Variants in ITGBL1 observed in about 807,000 individuals in gnomAD.
The protein encoded by ITGBL1 is integrin subunit beta like 1.
Under a neutral mutation model 68.5 loss-of-function variants are expected in ITGBL1, and 51 were observed. That is an observed-to-expected ratio of 0.74 (90% CI 0.59 to 0.94). The LOEUF (loss-of-function observed/expected upper bound fraction) is 0.94, where lower values mean the gene tolerates loss of function less well. Ranked by LOEUF, ITGBL1 falls within the 40% of genes least tolerant of loss-of-function variation. The probability of loss-of-function intolerance (pLI) is 0.00; values close to 1 mark genes in which losing one functional copy is unlikely to be tolerated. For missense variants in ITGBL1, 649 were observed against 647.4 expected (o/e 1.00, Z -0.03); for synonymous variants, 209 against 227.3 (o/e 0.92, Z 0.72).
At chr13:101,455,701 G>T (rs78335504) in intron 2 of ITGBL1, among the ~76,000 whole-genome samples, 5,103 of 152,188 alleles carry the variant, frequency 0.034, 291 homozygotes, top group African/African-American at 0.12. Flanking sequence ...AATATTGGAT[G>T]CCACAACTTG....
chr13:101,513,104 G>T (rs766722570), intron 2 of ITGBL1, among the ~76,000 whole-genome samples: 2 of 152,054 alleles, frequency 1.3e-5, no homozygotes, highest in Admixed American at 6.6e-5. Flanking sequence ...GCCTTTGAGT[G>T]TACAGTACTA....
chr13:101,551,521 A>T (rs1245965880), intron 2 of ITGBL1, among the ~76,000 whole-genome samples: 5 of 152,316 alleles, frequency 3.3e-5, no homozygotes, highest in African/African-American at 7.2e-5. Context: ...TGGATCAGGA[A>T]GGAAGTTCAG....
intron 5 of ITGBL1, 122 bp downstream of exon 5, chr13:101,579,549 G>A: frequency 1.0e-6 from 1 of 978,800 alleles, no homozygotes; most frequent in Admixed American, 3.0e-5. Flanking sequence ...CATTTACTTT[G>A]ATGTAAATCA....
At chr13:101,606,456 T>C (rs1319725367) in intron 7 of ITGBL1, among the ~76,000 whole-genome samples, 16 of 151,622 alleles carry the variant, frequency 1.1e-4, no homozygotes, top group African/African-American at 3.9e-4. Context: ...GGAGTAAAGG[T>C]GGGAAAACAC....
intron 2 of ITGBL1, among the ~76,000 whole-genome samples, chr13:101,494,826 TA>T (rs2048832791): frequency 6.6e-6 from 1 of 152,200 alleles, no homozygotes; most frequent in African/African-American, 2.4e-5. Context: ...GACAAAAATG[TA>T]AAAGTCTATG....
At chr13:101,708,337 C>T (rs1486704984) in intron 9 of ITGBL1, among the ~76,000 whole-genome samples, 3 of 152,150 alleles carry the variant, frequency 2.0e-5, no homozygotes, top group African/African-American at 7.2e-5. Flanking sequence ...CTCTCCTCTT[C>T]AGCTCAGTAT....
chr13:101,502,326 T>G (rs2139088067), intron 2 of ITGBL1, among the ~76,000 whole-genome samples: 1 of 152,304 alleles, frequency 6.6e-6, no homozygotes, highest in South Asian at 2.1e-4. Flanking sequence ...AAGAAATTAG[T>G]CTGTGGCCAT....
intron 7 of ITGBL1, among the ~76,000 whole-genome samples, chr13:101,638,433 A>G (rs1566769266): frequency 3.7e-5 from 2 of 53,358 alleles, no homozygotes; most frequent in Non-Finnish European, 3.7e-5. Flanking sequence ...TTCTTAAAAA[A>G]TAAAAAAAAA....
intron 2 of ITGBL1, among the ~76,000 whole-genome samples, chr13:101,476,056 A>G (rs1052855343): frequency 6.6e-6 from 1 of 152,200 alleles, no homozygotes; most frequent in African/African-American, 2.4e-5. Flanking sequence ...ACAGAATATT[A>G]TAGCACTGTA....
chr13:101,544,468 G>T (rs2049778583), intron 2 of ITGBL1, among the ~76,000 whole-genome samples: 3 of 152,180 alleles, frequency 2.0e-5, no homozygotes, highest in Admixed American at 2.0e-4. Context: ...CCCCTACTAG[G>T]GGGGTGCCTC....
chr13:101,714,643 A>T (rs2034632230), intron 10 of ITGBL1, 92 bp downstream of exon 10: 1 of 787,660 alleles, frequency 1.3e-6, no homozygotes, highest in Non-Finnish European at 2.3e-6. Flanking sequence ...TGGCTGGACC[A>T]ACAGGGCCAA....
At chr13:101,653,179 AGAGGAG>A (rs751673799) in intron 7 of ITGBL1, among the ~76,000 whole-genome samples, 1 of 150,204 alleles carries the variant, frequency 6.7e-6, no homozygotes, top group African/African-American at 2.4e-5. Context: ...GAAGAGAAGA[AGAGGAG>A]GAGGAGGAGG....
chr13:101,655,565 A>G (rs1238838166), intron 7 of ITGBL1, among the ~76,000 whole-genome samples: 2 of 152,104 alleles, frequency 1.3e-5, no homozygotes, highest in Non-Finnish European at 2.9e-5. Context: ...TCCCTCTCCT[A>G]TGCTTTCTAT....
In ITGBL1 at chr13:101,453,879, G is replaced by A. The variant is rs1315080900; in HGVS notation, c.99-4G>A. ...GGCCTGCCGGTTGCTTGTCGCCCGC[G>A]CAGGAGCTGGCCGGGCGCCGCCTGC... On this transcript the variant is annotated splice_polypyrimidine_tract_variant and splice_region_variant and intron_variant, in intron 1 of 10. Transcript: ENST00000376180. The A allele has an allele frequency of 4.0e-6, 5 of 1,239,732 alleles. 1 individual carries two copies. Among genetic ancestry groups the A allele is most frequent in the South Asian group, 7.8e-5 (2 of 25,744 alleles). 76.8% of individuals were successfully genotyped at this position (1,239,732 alleles called of 1,614,324 possible). A position where few individuals can be genotyped will look rare whatever the true frequency, so the allele number is the denominator to read the frequency against.
At chr13:101,548,928 A>G (rs2049874077) in intron 2 of ITGBL1, among the ~76,000 whole-genome samples, 1 of 151,876 alleles carries the variant, frequency 6.6e-6, no homozygotes, top group Non-Finnish European at 1.5e-5. Flanking sequence ...TGAGTTGAAA[A>G]ATAAAGGCTT....
At chr13:101,534,687 GA>G (rs1360611865) in intron 2 of ITGBL1, among the ~76,000 whole-genome samples, 15 of 152,178 alleles carry the variant, frequency 9.9e-5, no homozygotes, top group African/African-American at 3.4e-4. Flanking sequence ...AGCTTAGGAA[GA>G]GGGTGTTAAA....
At chr13:101,476,631 T>A (rs1016550767) in intron 2 of ITGBL1, among the ~76,000 whole-genome samples, 12 of 151,810 alleles carry the variant, frequency 7.9e-5, no homozygotes, top group African/African-American at 2.9e-4. Flanking sequence ...AAGACACAAA[T>A]AGACTGAAAA....
At chr13:101,653,140 G>T (rs915682260) in intron 7 of ITGBL1, among the ~76,000 whole-genome samples, 2 of 150,780 alleles carry the variant, frequency 1.3e-5, no homozygotes, top group African/African-American at 4.9e-5. Context: ...GAAACAAGGG[G>T]GAGGGGGAGG....
At chr13:101,701,918 TGATGGTTGTAC>T (rs1282855131) in intron 8 of ITGBL1, among the ~76,000 whole-genome samples, 1 of 152,160 alleles carries the variant, frequency 6.6e-6, no homozygotes. Flanking sequence ...TGAATGGTGG[TGATGGTTGTAC>T]GACAATGAGA....
Sources: gnomAD v4.1 joint callset for allele counts (sites outside exome capture counted in the v4.1 genomes callset) on GRCh38, gnomAD v4.1.1 for gene constraint, MANE v1.5 for transcripts, NCBI Gene and HGNC (gene_info 2026-07-23, HGNC 2026-07-21) for gene names.